Variants in AMBRA1 observed in about 807,000 individuals in gnomAD.
AMBRA1 encodes the protein activating molecule in BECN1-regulated autophagy protein 1.
In AMBRA1, 47 loss-of-function variants were observed where a neutral mutation model predicts 125.4. That is an observed-to-expected ratio of 0.37 (90% confidence interval 0.30 to 0.48). AMBRA1 has a LOEUF of 0.48. Ranked by LOEUF, AMBRA1 falls within the 20% of genes least tolerant of loss-of-function variation. AMBRA1 has a pLI of 0.99. For synonymous variants in AMBRA1, 626 were observed against 655.5 expected, an observed-to-expected ratio of 0.95 and a Z score of 0.69; for missense variants, 1,331 against 1,693.4, an observed-to-expected ratio of 0.79 and a Z score of 3.76.
At chr11:46,589,764 C>G (rs758588023) in intron 1 of AMBRA1, among the ~76,000 whole-genome samples, 7 of 151,850 alleles carry the variant, frequency 4.6e-5, no homozygotes. Flanking sequence ...GGACTACAGG[C>G]GCCCACCACC....
chr11:46,403,698 C>T (rs1416702163), intron 17 of AMBRA1, among the ~76,000 whole-genome samples: 5 of 152,164 alleles, frequency 3.3e-5, no homozygotes, highest in Non-Finnish European at 2.9e-5. Flanking sequence ...TGCAAAAAAG[C>T]TGACGCGTGC....
rs561805160 is a variant in AMBRA1, at chr11:46,579,487, C to G, written c.-121+14341G>C. Among the ~76,000 whole-genome samples the G allele has an allele frequency of 8.1e-4, 124 of 152,152 alleles. 1 individual carries two copies. The highest frequency in any genetic ancestry group is 2.9e-3 in the African/African-American group (122 of 41,516). On this transcript the variant is annotated intron_variant, in intron 1 of 17. Transcript: ENST00000683756. Reference sequence around the variant, plus strand: ...AATAAATAAATTAAGTAAGTAAGTACATAAAAAGTAGATAAACCCTTAAGG... The same window carrying G: ...AATAAATAAATTAAGTAAGTAAGTAGATAAAAAGTAGATAAACCCTTAAGG...
intron 7 of AMBRA1, among the ~76,000 whole-genome samples, chr11:46,521,802 G>C (rs1198683372): frequency 6.6e-6 from 1 of 152,316 alleles, no homozygotes; most frequent in East Asian, 1.9e-4. Flanking sequence ...TCCTGCCCCT[G>C]ATGTGAGGTG....
chr11:46,398,838 A>G (rs1005739493), intron 17 of AMBRA1, among the ~76,000 whole-genome samples: 19 of 151,596 alleles, frequency 1.3e-4, no homozygotes. Flanking sequence ...CAGTGGTGTG[A>G]TCTTGGCTCA....
intron 7 of AMBRA1, among the ~76,000 whole-genome samples, chr11:46,514,946 T>C (rs1951412152): frequency 6.6e-6 from 1 of 152,192 alleles, no homozygotes; most frequent in Admixed American, 6.5e-5. Flanking sequence ...TATGCCATCT[T>C]ATATAGTACT....
intron 16 of AMBRA1, among the ~76,000 whole-genome samples, chr11:46,409,441 G>A (rs1448971036): frequency 3.9e-5 from 6 of 151,980 alleles, no homozygotes; most frequent in African/African-American, 7.2e-5. Context: ...CTCGTGATCC[G>A]CCCGCCTCAG....
chr11:46,528,500 G>T (rs1952077337), intron 7 of AMBRA1, among the ~76,000 whole-genome samples: 1 of 152,094 alleles, frequency 6.6e-6, no homozygotes, highest in Non-Finnish European at 1.5e-5. Flanking sequence ...TGATCCTTAA[G>T]GACATTATGC....
chr11:46,420,221 T>C (rs934240036), intron 14 of AMBRA1, among the ~76,000 whole-genome samples: 2 of 152,158 alleles, frequency 1.3e-5, no homozygotes, highest in Admixed American at 1.3e-4. Context: ...CAACTCCAAA[T>C]GTAAGGAACT....
chr11:46,567,159 C>T (rs1456082141), intron 1 of AMBRA1, among the ~76,000 whole-genome samples: 1 of 152,192 alleles, frequency 6.6e-6, no homozygotes, highest in Non-Finnish European at 1.5e-5. Context: ...GCAGCCTCCG[C>T]TTTCCGGATT....
At chr11:46,550,829 G>A (rs1009379052) in intron 1 of AMBRA1, among the ~76,000 whole-genome samples, 6 of 151,654 alleles carry the variant, frequency 4.0e-5, no homozygotes, top group Admixed American at 2.6e-4. Context: ...GCTCACGCCT[G>A]TAATCCCAGC....
At chr11:46,464,966 A>T (rs1949260494) in intron 11 of AMBRA1, among the ~76,000 whole-genome samples, 1 of 152,024 alleles carries the variant, frequency 6.6e-6, no homozygotes, top group African/African-American at 2.4e-5. Flanking sequence ...AATCACTTGA[A>T]CCGGGAGGTG....
intron 11 of AMBRA1, among the ~76,000 whole-genome samples, chr11:46,455,935 G>C (rs1948826919): frequency 1.3e-5 from 2 of 152,166 alleles, no homozygotes; most frequent in Admixed American, 1.3e-4. Flanking sequence ...TGTGTGGGTA[G>C]AGAAAGAGGG....
intron 1 of AMBRA1, among the ~76,000 whole-genome samples, chr11:46,571,302 A>C (rs2043747747): frequency 6.6e-6 from 1 of 152,208 alleles, no homozygotes; most frequent in South Asian, 2.1e-4. Flanking sequence ...TAGCAATGAA[A>C]ATAAAGTATC....
chr11:46,576,301 C>T (rs11038924), intron 1 of AMBRA1, among the ~76,000 whole-genome samples: 1,839 of 152,226 alleles, frequency 0.012, 45 homozygotes, highest in African/African-American at 0.042. Flanking sequence ...ATTGGTGTTG[C>T]TGTTGTTTTG....
At position 46,546,642 on chromosome 11, in the gene AMBRA1, T is replaced by G. The variant is rs1260034496; in HGVS notation, c.378+471A>C. On this transcript the variant is annotated intron_variant, in intron 4 of 17. Transcript: ENST00000683756. ...CTATTGCAAAAAAAAAAAAAAGGAA[T>G]GGAAGACAGGGAATTAGACTTCCTA... is the stretch of plus-strand genomic sequence containing the variant. 4.1e-5 allele frequency among the ~76,000 whole-genome samples: 6 copies of G among 148,114 alleles called. No individual in the cohort carries two copies. In the South Asian group the frequency reaches 1.3e-3, roughly 31 times the overall value.
intron 8 of AMBRA1, among the ~76,000 whole-genome samples, chr11:46,509,462 T>A (rs1951180100): frequency 6.6e-6 from 1 of 152,202 alleles, no homozygotes. Context: ...AACTTTATCC[T>A]ACAGAAATAC....
chr11:46,443,811 C>T (rs75494138), intron 11 of AMBRA1, among the ~76,000 whole-genome samples: 6,999 of 152,238 alleles, frequency 0.046, 230 homozygotes, highest in Non-Finnish European at 0.07. Flanking sequence ...AAATATAATC[C>T]CATTCATCAG....
Position 46,541,427 on chromosome 11 carries a change from AT to A in AMBRA1, c.2072+517del, listed in dbSNP as rs534735244. The stretch of plus-strand genomic sequence containing the variant: ...GACATACATATATATACATATATGT[AT>A]TTTTTTTTCTTTTCCCTTTGTCAAA... On this transcript the variant is annotated intron_variant, in intron 7 of 17. Coordinates refer to ENST00000683756, the MANE Select transcript of AMBRA1 (RefSeq NM_001387011.1). Among the ~76,000 whole-genome samples, 685 of 151,706 alleles carry A rather than the reference AT, an allele frequency of 4.5e-3. 4 individuals are homozygous for A. The highest frequency in any genetic ancestry group is 0.016 in the African/African-American group (662 of 41,370).
intron 4 of AMBRA1, among the ~76,000 whole-genome samples, chr11:46,546,499 A>G (rs1353933668): frequency 2.6e-5 from 4 of 152,190 alleles, no homozygotes; most frequent in Non-Finnish European, 5.9e-5. Flanking sequence ...CTAAGACAAC[A>G]GAAATCCAAC....
Sources: allele counts gnomAD v4.1 joint callset (sites outside exome capture counted in the v4.1 genomes callset), GRCh38; gene constraint gnomAD v4.1.1; transcripts MANE v1.5; gene names NCBI Gene and HGNC (gene_info 2026-07-23, HGNC 2026-07-21).